The following ROBO2 variants were observed in gnomAD, a reference collection of about 807,000 sequenced individuals.
The protein encoded by ROBO2 is roundabout guidance receptor 2.
In ROBO2, 53 loss-of-function variants were observed where a neutral mutation model predicts 160.8. The ratio of observed to expected loss-of-function variants is 0.33; its 90% CI spans 0.26 to 0.41. ROBO2 has a LOEUF of 0.41. Ranked by LOEUF, ROBO2 falls within the 10% of genes least tolerant of loss-of-function variation. The pLI, the probability that ROBO2 is intolerant of heterozygous loss-of-function variation, is 1.00. For missense variants in ROBO2, 1,577 were observed against 1,722.4 expected, an observed-to-expected ratio of 0.92 and a Z score of 1.49; for synonymous variants, 664 against 611.7, an observed-to-expected ratio of 1.09 and a Z score of -1.26.
rs77695694 is a variant in ROBO2 at position 77,281,315 on chromosome 3, C to T, written c.388+182975C>T. On this transcript the variant is annotated intron_variant, in intron 2 of 25. Coordinates refer to ENST00000461745, the Ensembl canonical transcript of ROBO2. Reference sequence around the variant, plus strand: ...CCTGACCAATTTTCAATCCTTCTTTCGTTACCTCCCAGACACTTGCTTTTT... The same window carrying T: ...CCTGACCAATTTTCAATCCTTCTTTTGTTACCTCCCAGACACTTGCTTTTT... 1.1e-4 allele frequency among the ~76,000 whole-genome samples: 16 copies of T among 152,124 alleles called. No homozygotes were observed. In the East Asian group the frequency reaches 1.6e-3, roughly 15 times the overall value.
At chr3:76,474,314 G>A (rs1577450164) in intron 2 of ROBO2, among the ~76,000 whole-genome samples, 1 of 152,070 alleles carries the variant, frequency 6.6e-6, no homozygotes, top group African/African-American at 2.4e-5. Context: ...TTAGTTAAAT[G>A]ATACATTATT....
rs184098699 is a variant in ROBO2 at position 77,419,470 on chromosome 3, C to T, written c.389-57944C>T. Among the ~76,000 whole-genome samples, 84 of 151,984 alleles carry T rather than the reference C, an allele frequency of 5.5e-4. 1 individual carries two copies. Among genetic ancestry groups the T allele is most frequent in the African/African-American group, 2.0e-3 (82 of 41,448 alleles). On this transcript the variant is annotated intron_variant, in intron 2 of 25. Coordinates refer to ENST00000461745, the Ensembl canonical transcript of ROBO2. ...AAATTGAACATGAGGACATATATTA[C>T]TATGAAAACTGAAAAAAGAAGGAGA...
At chr3:77,075,174 T>C (rs2067836193) in intron 1 of ROBO2, among the ~76,000 whole-genome samples, 1 of 152,182 alleles carries the variant, frequency 6.6e-6, no homozygotes, top group Non-Finnish European at 1.5e-5. Context: ...ATATTAGCAT[T>C]ATAGAACAAC....
intron 2 of ROBO2, among the ~76,000 whole-genome samples, chr3:76,547,158 C>T (rs1369856455): frequency 1.3e-5 from 2 of 152,056 alleles, no homozygotes; most frequent in Middle Eastern, 3.4e-3. Context: ...CTAAAGCACA[C>T]TTAAAGTGCA....
At chr3:76,635,220 A>ATGCT (rs1268219878) in intron 2 of ROBO2, among the ~76,000 whole-genome samples, 1 of 152,152 alleles carries the variant, frequency 6.6e-6, no homozygotes, top group Non-Finnish European at 1.5e-5. Flanking sequence ...CTAAACACTG[A>ATGCT]TGCTGTCTGG....
At chr3:76,899,064 A>C (rs1300308928) in intron 2 of ROBO2, among the ~76,000 whole-genome samples, 1 of 152,118 alleles carries the variant, frequency 6.6e-6, no homozygotes, top group Admixed American at 6.6e-5. Context: ...CCAGTACCGG[A>C]TGTAGAATGT....
At chr3:77,595,236 G>C in intron 18 of ROBO2, 52 bp downstream of exon 19, 1 of 1,368,424 alleles carries the variant, frequency 7.3e-7, no homozygotes, top group East Asian at 2.3e-5. Flanking sequence ...TCAGGACTGG[G>C]GAAACTCTAT....
At chr3:77,291,932 TGAC>T (rs1365431408) in intron 2 of ROBO2, among the ~76,000 whole-genome samples, 2 of 150,660 alleles carry the variant, frequency 1.3e-5, no homozygotes, top group Non-Finnish European at 2.9e-5. Flanking sequence ...GAAGTAAAAT[TGAC>T]GGCTAAAAGT....
At chr3:76,041,685 G>C (rs1199745472) in intron 2 of ROBO2, among the ~76,000 whole-genome samples, 2 of 151,870 alleles carry the variant, frequency 1.3e-5, no homozygotes, top group African/African-American at 4.9e-5. Context: ...AATATCATAA[G>C]TATTGGCATT....
chr3:76,839,111 A>T (rs1282896551), intron 2 of ROBO2, among the ~76,000 whole-genome samples: 1 of 152,296 alleles, frequency 6.6e-6, no homozygotes, highest in African/African-American at 2.4e-5. Context: ...CAGAAATGGC[A>T]GAGCAAAGGA....
At chr3:76,620,854 T>C (rs939294464) in intron 2 of ROBO2, among the ~76,000 whole-genome samples, 2 of 152,162 alleles carry the variant, frequency 1.3e-5, no homozygotes, top group Admixed American at 1.3e-4. Context: ...TCTCTAACTA[T>C]TGGAGTAGTA....
chr3:76,813,753 C>A (rs559683987), intron 2 of ROBO2, among the ~76,000 whole-genome samples: 1 of 152,054 alleles, frequency 6.6e-6, no homozygotes, highest in Non-Finnish European at 1.5e-5. Context: ...TTCAGTCTCC[C>A]AATTTTTGGC....
chr3:77,210,537 A>G (rs1185235929), intron 2 of ROBO2, among the ~76,000 whole-genome samples: 1 of 152,194 alleles, frequency 6.6e-6, no homozygotes, highest in East Asian at 1.9e-4. Flanking sequence ...CGGTAAAGAA[A>G]CATCAAATGG....
intron 2 of ROBO2, among the ~76,000 whole-genome samples, chr3:76,605,932 C>A (rs1212234771): frequency 6.6e-6 from 1 of 152,054 alleles, no homozygotes; most frequent in African/African-American, 2.4e-5. Context: ...TAAATAACAT[C>A]ATTGTCTTTC....
intron 2 of ROBO2, among the ~76,000 whole-genome samples, chr3:77,437,384 A>T (rs1314654806): frequency 1.3e-5 from 2 of 151,948 alleles, no homozygotes; most frequent in African/African-American, 4.8e-5. Context: ...CTGAAATTTA[A>T]TGTGTCTAGG....
intron 2 of ROBO2, among the ~76,000 whole-genome samples, chr3:77,215,923 C>T (rs1454855995): frequency 6.6e-6 from 1 of 152,154 alleles, no homozygotes; most frequent in Admixed American, 6.5e-5. Context: ...ATGTTGCTGC[C>T]TGATCGTTCC....
chr3:77,037,404 G>A (rs1352063955), upstream of ROBO2, among the ~76,000 whole-genome samples: 1 of 152,116 alleles, frequency 6.6e-6, no homozygotes, highest in Admixed American at 6.5e-5. Context: ...AATGGCACCA[G>A]TCTAAAATCA....
intron 2 of ROBO2, among the ~76,000 whole-genome samples, chr3:76,379,177 T>C (rs1365416405): frequency 6.6e-6 from 1 of 152,082 alleles, no homozygotes; most frequent in Non-Finnish European, 1.5e-5. Flanking sequence ...CAGGATAATT[T>C]GGAATATTAA....
At chr3:77,155,840 T>C (rs959823268) in intron 2 of ROBO2, among the ~76,000 whole-genome samples, 1 of 152,044 alleles carries the variant, frequency 6.6e-6, no homozygotes, top group Admixed American at 6.6e-5. Flanking sequence ...TTTAAAGTAC[T>C]TGTTATCTTT....
Sources: gnomAD v4.1 joint callset for allele counts (sites outside exome capture counted in the v4.1 genomes callset) on GRCh38, gnomAD v4.1.1 for gene constraint, MANE v1.5 for transcripts, NCBI Gene and HGNC (gene_info 2026-07-23, HGNC 2026-07-21) for gene names.